The following MTCL1 variants were observed in gnomAD, a reference collection of about 807,000 sequenced individuals.
MTCL1 encodes microtubule cross-linking factor 1.
Under a neutral mutation model 141.4 loss-of-function variants are expected in MTCL1, and 79 were observed. The ratio of observed to expected loss-of-function variants is 0.56; its 90% CI spans 0.47 to 0.67. MTCL1 has a LOEUF of 0.67. Ranked by LOEUF, MTCL1 falls within the 30% of genes least tolerant of loss-of-function variation. The pLI, the probability that MTCL1 is intolerant of heterozygous loss-of-function variation, is 0.00. For synonymous variants in MTCL1, 914 were observed against 875.8 expected (o/e 1.04, Z -0.77); for missense variants, 2,177 against 2,113.9 (o/e 1.03, Z -0.59).
Position 8,705,792 on chromosome 18 carries a change from C to T in MTCL1, c.132C>T (p.Pro44=), listed in dbSNP as rs1295833101. Residue 44 remains proline, a synonymous_variant, in exon 1 of 14, where the codon CCC becomes CCT. Transcript: ENST00000306329. The surrounding 1 kb of genome is among the most constrained non-coding windows in gnomAD (Gnocchi z 5.2). ...GGCGGCTGCACCGTGCGCCCTCGCC[C>T]GCCAGACCCTTCCTCAAGGACCTGC... 44 of 1,195,130 alleles carry T rather than the reference C, an allele frequency of 3.7e-5. No individual in the cohort carries two copies. The East Asian group carries it at 1.4e-3, about 39-fold the overall frequency. 74.0% of individuals were successfully genotyped at this position (1,195,130 alleles called of 1,614,324 possible). A position where few individuals can be genotyped will look rare whatever the true frequency, so the allele number is the denominator to read the frequency against.
intron 4 of MTCL1, among the ~76,000 whole-genome samples, chr18:8,769,094 C>T (rs2096473604): frequency 3.3e-5 from 5 of 152,190 alleles, no homozygotes; most frequent in Admixed American, 6.5e-5. Context: ...CGCGCCTGGC[C>T]AGGAACAGAA....
chr18:8,812,912 C>T, intron 11 of MTCL1, 67 bp from the exon 11 acceptor site: 5 of 1,547,480 alleles, frequency 3.2e-6, no homozygotes, highest in Non-Finnish European at 4.4e-6. Context: ...TGTAAATGTG[C>T]TGAGACTTCA....
intron 7 of MTCL1, 28 bp downstream of exon 6, chr18:8,786,119 C>CGCA (rs1555656000): frequency 4.2e-6 from 6 of 1,428,830 alleles, no homozygotes; most frequent in Non-Finnish European, 4.7e-6. Flanking sequence ...ATCCCCCCCC[C>CGCA]CCGCCCTCCC....
intron 12 of MTCL1, among the ~76,000 whole-genome samples, chr18:8,814,095 TA>T (rs1459235329): frequency 2.0e-5 from 3 of 152,196 alleles, no homozygotes; most frequent in Non-Finnish European, 4.4e-5. Context: ...TACTCTATTT[TA>T]AATACCCATA....
At chr18:8,820,291 T>A (rs1213865935) in intron 13 of MTCL1, among the ~76,000 whole-genome samples, 6 of 151,978 alleles carry the variant, frequency 3.9e-5, no homozygotes, top group Admixed American at 6.6e-5. Context: ...GTGCCTGTAG[T>A]CCCAGCTACT....
intron 1 of MTCL1, among the ~76,000 whole-genome samples, chr18:8,708,625 T>C (rs1244444733): frequency 6.6e-6 from 1 of 152,228 alleles, no homozygotes; most frequent in East Asian, 1.9e-4. Flanking sequence ...GAGGCTGCTT[T>C]CCTCCGAGCA....
chr18:8,794,333 G>T (rs1478012774), intron 8 of MTCL1, among the ~76,000 whole-genome samples: 1 of 152,174 alleles, frequency 6.6e-6, no homozygotes, highest in African/African-American at 2.4e-5. Context: ...CTCCAGGCTT[G>T]TTCAGAAGGG....
chr18:8,723,981 G>C (rs1045541455), intron 4 of MTCL1, among the ~76,000 whole-genome samples: 1 of 152,166 alleles, frequency 6.6e-6, no homozygotes, highest in Non-Finnish European at 1.5e-5. Context: ...GTTTCCTGGG[G>C]CTGGGGAGAG....
intron 4 of MTCL1, among the ~76,000 whole-genome samples, chr18:8,759,033 A>G (rs1323010907): frequency 1.3e-5 from 2 of 152,198 alleles, no homozygotes; most frequent in Non-Finnish European, 2.9e-5. Flanking sequence ...GGGTGTGGAG[A>G]GCATCCTGGA....
chr18:8,784,531 G>A lies in MTCL1; in HGVS notation c.1419G>A (p.Thr473=), dbSNP rs147520247. The stretch of plus-strand genomic sequence containing the variant: ...AGCGGACGGTGGAGCGCCTCATCAC[G>A]GACACCGACAGCTTCCTCCATGATG... The change falls in exon 6 of 17, where the codon ACG becomes ACA. Residue 473 remains threonine (T), a synonymous_variant. Transcript: ENST00000359865. 6.0e-5 allele frequency: 97 copies of A among 1,604,924 alleles called. No homozygotes were observed. The African/African-American group carries it at 9.5e-4, about 16-fold the overall frequency.
intron 4 of MTCL1, among the ~76,000 whole-genome samples, chr18:8,732,785 T>C (rs538139184): frequency 3.3e-5 from 5 of 152,272 alleles, no homozygotes; most frequent in African/African-American, 1.2e-4. Context: ...CATGGCTGTT[T>C]GTACAGGGTG....
chr18:8,712,437 G>C (rs181187292), upstream of MTCL1, among the ~76,000 whole-genome samples: 170 of 152,342 alleles, frequency 1.1e-3, 2 homozygotes, highest in African/African-American at 3.7e-3. Flanking sequence ...CGGGTGCTCA[G>C]TGTGGCCTGG....
intron 12 of MTCL1, among the ~76,000 whole-genome samples, chr18:8,815,348 C>G (rs1013196500): frequency 8.6e-5 from 13 of 151,964 alleles, no homozygotes; most frequent in African/African-American, 3.1e-4. Flanking sequence ...TGGAAATCAT[C>G]ATTCTCAGTA....
chr18:8,709,886 C>A (rs500551), intron 1 of MTCL1, among the ~76,000 whole-genome samples: 42,690 of 151,984 alleles, frequency 0.28, 6,887 homozygotes, highest in East Asian at 0.57. Context: ...GTCGTGCAGG[C>A]TGGAATGCAG....
At chr18:8,716,974 A>G (rs1470961967), upstream of MTCL1, among the ~76,000 whole-genome samples, 2 of 152,178 alleles carry the variant, frequency 1.3e-5, no homozygotes, top group Non-Finnish European at 2.9e-5. Flanking sequence ...TTTGGGAAGA[A>G]GCTTTCATCA....
upstream of MTCL1, among the ~76,000 whole-genome samples, chr18:8,717,051 G>C (rs758648116): frequency 6.6e-6 from 1 of 152,134 alleles, no homozygotes; most frequent in African/African-American, 2.4e-5. Flanking sequence ...TTTCTGACTT[G>C]GTGTTTGTAA....
chr18:8,764,086 G>A, intron 4 of MTCL1, among the ~76,000 whole-genome samples: 1 of 151,976 alleles, frequency 6.6e-6, no homozygotes, highest in East Asian at 1.9e-4. Flanking sequence ...GAAAAAGCCT[G>A]TTTTCTAAAC....
chr18:8,796,209 CTG>C (rs781045385), intron 8 of MTCL1, 21 bp from the exon 8 acceptor site: 12 of 1,611,548 alleles, frequency 7.4e-6, no homozygotes, highest in Non-Finnish European at 1.0e-5. Context: ...GCTTGTCACA[CTG>C]TCTCTCTTAT....
chr18:8,734,458 C>G (rs1024358307), intron 4 of MTCL1, among the ~76,000 whole-genome samples: 4 of 152,110 alleles, frequency 2.6e-5, no homozygotes, highest in African/African-American at 7.2e-5. Flanking sequence ...CGTGAAGTCT[C>G]CAGCTTGGCT....
Sources: gnomAD v4.1 joint callset for allele counts (sites outside exome capture counted in the v4.1 genomes callset) on GRCh38, gnomAD v4.1.1 for gene constraint, Gnocchi (gnomAD v3.1) non-coding constraint, MANE v1.5 for transcripts, NCBI Gene and HGNC (gene_info 2026-07-23, HGNC 2026-07-21) for gene names.